ME1: variants seen among roughly 807,000 people sequenced by gnomAD.
The protein encoded by ME1 is NADP-dependent malic enzyme.
Under a neutral mutation model 66.4 loss-of-function variants are expected in ME1, and 74 were observed. The observed-to-expected ratio is 1.11, with a 90% CI of 0.92 to 1.35. The LOEUF (loss-of-function observed/expected upper bound fraction) is 1.35, where lower values mean the gene tolerates loss of function less well. Among genes scored for constraint, ME1 ranks in the 40% most tolerant of loss-of-function variants. The probability of loss-of-function intolerance (pLI) is 0.00; values close to 1 mark genes in which losing one functional copy is unlikely to be tolerated. For synonymous variants in ME1, 251 were observed against 235.6 expected, an observed-to-expected ratio of 1.07 and a Z score of -0.60; for missense variants, 750 against 694.1, an observed-to-expected ratio of 1.08 and a Z score of -0.90.
intron 6 of ME1, among the ~76,000 whole-genome samples, chr6:83,268,423 C>T (rs552412555): frequency 6.6e-6 from 1 of 151,922 alleles, no homozygotes; most frequent in Non-Finnish European, 1.5e-5. Context: ...GGGTAAGTTC[C>T]GATAAATGTA....
At chr6:83,326,806 C>T (rs1340229471) in intron 5 of ME1, among the ~76,000 whole-genome samples, 1 of 152,122 alleles carries the variant, frequency 6.6e-6, no homozygotes, top group African/African-American at 2.4e-5. Flanking sequence ...ATTAGTTCAA[C>T]CACTATGGAA....
intron 1 of ME1, among the ~76,000 whole-genome samples, chr6:83,416,191 T>C (rs1296042136): frequency 1.3e-5 from 2 of 152,246 alleles, no homozygotes; most frequent in African/African-American, 4.8e-5. Flanking sequence ...GTACATGTTA[T>C]GTGTGTTTCA....
At chr6:83,387,486 A>G (rs974945005) in intron 3 of ME1, among the ~76,000 whole-genome samples, 2 of 152,130 alleles carry the variant, frequency 1.3e-5, no homozygotes, top group African/African-American at 2.4e-5. Context: ...TGCAGAAACT[A>G]TATGTTTCCA....
In ME1 at chr6:83,412,449, A is replaced by T. The variant is rs1770069857; in HGVS notation, c.79-4548T>A. Among the ~76,000 whole-genome samples, 7 of 152,344 alleles carry T rather than the reference A, an allele frequency of 4.6e-5. 1 individual carries two copies. The highest frequency in any genetic ancestry group is 4.1e-4 in the South Asian group (2 of 4,826). ...TGTGGCACTTCATAGGCAATCAAAA[A>T]AATGTGTCGGATTAACTAACTAATG... On this transcript the variant is annotated intron_variant, in intron 1 of 13. Coordinates refer to ENST00000369705, the MANE Select transcript of ME1 (RefSeq NM_002395.6).
intron 5 of ME1, among the ~76,000 whole-genome samples, chr6:83,331,919 G>C (rs866304006): frequency 9.9e-5 from 15 of 152,204 alleles, no homozygotes; most frequent in African/African-American, 3.6e-4. Context: ...ATTATTTTTA[G>C]TCAAATAGCA....
chr6:83,247,202 G>A (rs1256021566), intron 7 of ME1, among the ~76,000 whole-genome samples: 1 of 152,052 alleles, frequency 6.6e-6, no homozygotes, highest in East Asian at 1.9e-4. Context: ...AACTATTCCA[G>A]AGGCTACTAT....
At chr6:83,235,684 G>A (rs1263826692) in intron 9 of ME1, among the ~76,000 whole-genome samples, 3 of 151,960 alleles carry the variant, frequency 2.0e-5, no homozygotes, top group Non-Finnish European at 4.4e-5. Flanking sequence ...CTGTTAGCCA[G>A]GATGGTCTCG....
intron 5 of ME1, among the ~76,000 whole-genome samples, chr6:83,340,629 A>C (rs949305748): frequency 6.6e-6 from 1 of 152,100 alleles, no homozygotes; most frequent in Non-Finnish European, 1.5e-5. Flanking sequence ...AAGTGGTGAA[A>C]CTGGGAGCAT....
At chr6:83,328,233 G>A (rs529196633) in intron 5 of ME1, among the ~76,000 whole-genome samples, 8 of 152,104 alleles carry the variant, frequency 5.3e-5, no homozygotes, top group African/African-American at 1.2e-4. Flanking sequence ...ACCAAACACC[G>A]CATGTTCTCA....
chr6:83,272,315 A>AT (rs11369416), intron 6 of ME1, among the ~76,000 whole-genome samples: 14,973 of 151,092 alleles, frequency 0.099, 757 homozygotes, highest in Admixed American at 0.11. Context: ...ACAGAGAAGC[A>AT]TTTTTTTTTC....
At chr6:83,346,427 TAGTA>T (rs1489920813) in intron 4 of ME1, 93 bp from the exon 5 acceptor site, 2 of 711,148 alleles carry the variant, frequency 2.8e-6, no homozygotes, top group East Asian at 3.1e-5. Context: ...ACTAGTGAAA[TAGTA>T]AGCTGTTAAA....
intron 6 of ME1, among the ~76,000 whole-genome samples, chr6:83,310,862 T>A (rs1045578785): frequency 1.3e-5 from 2 of 152,120 alleles, no homozygotes; most frequent in Admixed American, 1.3e-4. Context: ...AAAGCTTATG[T>A]CCAGAAACAG....
chr6:83,271,601 C>T (rs1353778234), intron 6 of ME1, among the ~76,000 whole-genome samples: 1 of 151,990 alleles, frequency 6.6e-6, no homozygotes, highest in Admixed American at 6.5e-5. Flanking sequence ...AACAGTAATA[C>T]GTTGTGGGTT....
chr6:83,398,420 A>G lies in ME1; in HGVS notation c.309T>C (p.Thr103=). ...GTTGGCAAGCCAGACCCACAGTGGG[A>G]GTATAAACAATAGGCATGAATTTCT... ...DIEKFMPIVY[T]PTVGLACQQY... Residue 103 remains threonine, a synonymous_variant, in exon 3 of 14, where the codon ACT becomes ACC. Transcript: ENST00000369705. The G allele has an allele frequency of 1.2e-6, 2 of 1,604,024 alleles. No individual in the cohort carries two copies. Among genetic ancestry groups the G allele is most frequent in the South Asian group, 1.1e-5 (1 of 89,110 alleles).
intron 3 of ME1, among the ~76,000 whole-genome samples, chr6:83,357,687 T>C (rs1266902488): frequency 1.3e-5 from 2 of 151,838 alleles, no homozygotes; most frequent in Non-Finnish European, 2.9e-5. Flanking sequence ...GCTGCCAGTG[T>C]GGCTACAATA....
At chr6:83,330,988 C>T (rs1768396602) in intron 5 of ME1, among the ~76,000 whole-genome samples, 1 of 152,136 alleles carries the variant, frequency 6.6e-6, no homozygotes, top group Admixed American at 6.5e-5. Flanking sequence ...GGCAAGGGTA[C>T]ACTGTACACA....
At chr6:83,222,314 T>C (rs1310694038) in intron 12 of ME1, among the ~76,000 whole-genome samples, 2 of 152,188 alleles carry the variant, frequency 1.3e-5, no homozygotes, top group South Asian at 2.1e-4. Flanking sequence ...AGGAGAACAT[T>C]ATTGCTTCCA....
rs181531707 is a variant in ME1, at chr6:83,221,454, T to C, written c.1449+2306A>G. 3.8e-4 allele frequency among the ~76,000 whole-genome samples: 58 copies of C among 152,280 alleles called. 1 individual carries two copies. In the East Asian group the frequency reaches 8.7e-3, roughly 23 times the overall value. ...GCAGTTACACAGGCATACATATGCA[T>C]GGTGTGTTTGAAGGCTATGGGATGA... On this transcript the variant is annotated intron_variant, in intron 12 of 13. Transcript: ENST00000369705.
rs1562451125 is a variant in ME1 at position 83,223,952 on chromosome 6, C to T, written c.1276-19G>A. On this transcript the variant is annotated intron_variant, in intron 11 of 13. Transcript: ENST00000369705. ...CACGTCCCTACAACAAAGACACATA[C>T]AACTCACTTTAAAAAGAAGCAGAAT... 6.2e-7 allele frequency: 1 copy of T among 1,605,362 alleles called. No homozygotes were observed.
Sources: allele counts gnomAD v4.1 joint callset (sites outside exome capture counted in the v4.1 genomes callset), GRCh38; gene constraint gnomAD v4.1.1; transcripts MANE v1.5; gene names NCBI Gene and HGNC (gene_info 2026-07-23, HGNC 2026-07-21).